MBNL2: variants seen among roughly 807,000 people sequenced by gnomAD.
The protein encoded by MBNL2 is muscleblind like splicing regulator 2, also known as muscleblind-like protein 2.
Under a neutral mutation model 41.9 loss-of-function variants are expected in MBNL2, and 17 were observed. That is an observed-to-expected ratio of 0.41 (90% CI 0.28 to 0.61). The LOEUF (loss-of-function observed/expected upper bound fraction) is 0.61, where lower values mean the gene tolerates loss of function less well. Ranked by LOEUF, MBNL2 falls within the 20% of genes least tolerant of loss-of-function variation. MBNL2 has a pLI of 0.35. For synonymous variants in MBNL2, 195 were observed against 182.9 expected (o/e 1.07, Z -0.53); for missense variants, 336 against 505.6 (o/e 0.66, Z 3.22).
chr13:97,262,605 T>C (rs2048852712), intron 1 of MBNL2, among the ~76,000 whole-genome samples: 1 of 152,186 alleles, frequency 6.6e-6, no homozygotes, highest in African/African-American at 2.4e-5. Flanking sequence ...TGCCATTCCA[T>C]GGTTTTAGCA....
intron 2 of MBNL2, among the ~76,000 whole-genome samples, chr13:97,333,361 T>C (rs1417922301): frequency 1.3e-5 from 2 of 152,224 alleles, no homozygotes; most frequent in African/African-American, 4.8e-5. Context: ...TGGTTTTATG[T>C]ACCCTGTCAC....
intron 8 of MBNL2, among the ~76,000 whole-genome samples, chr13:97,371,087 A>G (rs2064328627): frequency 6.6e-6 from 1 of 152,218 alleles, no homozygotes; most frequent in Non-Finnish European, 1.5e-5. Context: ...TAATAAAATG[A>G]GAGTGCAGAG....
At chr13:97,330,744 C>T (rs1371719116) in intron 2 of MBNL2, among the ~76,000 whole-genome samples, 2 of 152,280 alleles carry the variant, frequency 1.3e-5, no homozygotes, top group South Asian at 4.1e-4. Context: ...TATGCCTTAA[C>T]AAAAACTTCC....
At chr13:97,245,058 T>C (rs2045179288) in intron 1 of MBNL2, among the ~76,000 whole-genome samples, 1 of 152,178 alleles carries the variant, frequency 6.6e-6, no homozygotes. Context: ...TCTAAATAAA[T>C]AGTAATAAAA....
the MBNL2 span, among the ~76,000 whole-genome samples, chr13:97,169,734 G>A: frequency 2.0e-5 from 3 of 152,152 alleles, no homozygotes; most frequent in Non-Finnish European, 4.4e-5. Flanking sequence ...TTCCATTTAT[G>A]ACTGTGCCAA....
the MBNL2 span, among the ~76,000 whole-genome samples, chr13:97,178,854 A>G: frequency 0.095 from 14,521 of 152,178 alleles, 762 homozygotes; most frequent in South Asian, 0.17. Flanking sequence ...CCATGATTAC[A>G]CCACTGCACT....
At chr13:97,198,154 A>G in the MBNL2 span, among the ~76,000 whole-genome samples, 1 of 152,166 alleles carries the variant, frequency 6.6e-6, no homozygotes, top group South Asian at 2.1e-4. Context: ...AGTAAAGCAG[A>G]TTCCTCATTG....
chr13:97,363,305 T>C (rs2063567081), intron 7 of MBNL2, among the ~76,000 whole-genome samples: 2 of 151,972 alleles, frequency 1.3e-5, no homozygotes, highest in South Asian at 2.1e-4. Flanking sequence ...ACAGGAAATG[T>C]AGCGTAGATG....
At chr13:97,339,866 T>TGGG (rs1333514307) in intron 3 of MBNL2, among the ~76,000 whole-genome samples, 6 of 79,388 alleles carry the variant, frequency 7.6e-5, no homozygotes, top group African/African-American at 3.1e-4. Flanking sequence ...AACTGATTTG[T>TGGG]GTGTGGGCGG....
chr13:97,276,016 C>T lies in MBNL2; in HGVS notation c.-220C>T, dbSNP rs1048464159. The stretch of plus-strand genomic sequence containing the variant: ...GATGACACTGAGCATGCTTTTATTG[C>T]GGCCTACCATCTTTAAGTGGGACAT... On this transcript the variant is annotated 5_prime_UTR_variant, in exon 2 of 9. Coordinates refer to ENST00000679496, the MANE Select transcript of MBNL2 (RefSeq NM_001382683.1). 2.0e-5 allele frequency: 9 copies of T among 445,850 alleles called. No individual in the cohort carries two copies. Among genetic ancestry groups the T allele is most frequent in the East Asian group, 1.4e-4 (4 of 28,858 alleles). 27.6% of individuals were successfully genotyped at this position (445,850 alleles called of 1,614,324 possible). A position where few individuals can be genotyped will look rare whatever the true frequency, so the allele number is the denominator to read the frequency against.
upstream of MBNL2, chr13:97,222,245 AG>A: frequency 2.5e-6 from 1 of 394,948 alleles, no homozygotes; most frequent in Non-Finnish European, 4.5e-6. Context: ...TCAGACGAGT[AG>A]GGCTGACGAG....
chr13:97,375,091 G>A (rs1162561517), intron 8 of MBNL2, among the ~76,000 whole-genome samples: 2 of 152,166 alleles, frequency 1.3e-5, no homozygotes, highest in Non-Finnish European at 2.9e-5. Context: ...TGTGCAGGTG[G>A]ATGTGGAGGA....
chr13:97,368,232 A>C (rs1421541066), intron 8 of MBNL2, among the ~76,000 whole-genome samples: 3 of 152,100 alleles, frequency 2.0e-5, no homozygotes, highest in Non-Finnish European at 4.4e-5. Context: ...CAACATGGTA[A>C]AATCTGGTCT....
the MBNL2 span, among the ~76,000 whole-genome samples, chr13:97,146,575 G>A: frequency 2.6e-5 from 4 of 152,300 alleles, no homozygotes; most frequent in African/African-American, 9.6e-5. Flanking sequence ...TGGAAGGAAG[G>A]ACCTTAATCT....
chr13:97,317,015 G>A (rs987354477), intron 2 of MBNL2, among the ~76,000 whole-genome samples: 3 of 152,206 alleles, frequency 2.0e-5, no homozygotes, highest in African/African-American at 4.8e-5. Context: ...AGGAAGTAGA[G>A]AAGGCATCTG....
At chr13:97,355,234 T>C (rs2062881435) in intron 5 of MBNL2, among the ~76,000 whole-genome samples, 1 of 152,170 alleles carries the variant, frequency 6.6e-6, no homozygotes, top group Non-Finnish European at 1.5e-5. Context: ...TTCTTCTCCA[T>C]TGGCCGTTCT....
At chr13:97,283,848 C>T (rs1296592997) in intron 2 of MBNL2, among the ~76,000 whole-genome samples, 1 of 152,164 alleles carries the variant, frequency 6.6e-6, no homozygotes, top group Non-Finnish European at 1.5e-5. Flanking sequence ...AAAAGCAGAA[C>T]CGTGACTCCC....
intron 1 of MBNL2, among the ~76,000 whole-genome samples, chr13:97,266,263 T>A (rs59726738): frequency 0.12 from 18,586 of 151,592 alleles, 1,362 homozygotes; most frequent in African/African-American, 0.2. Flanking sequence ...ATAAATAAAT[T>A]AATTAATTAA....
Position 97,251,867 on chromosome 13 carries a change from G to A in MBNL2, c.-604-23765G>A, listed in dbSNP as rs1341474260. 5.1e-5 allele frequency among the ~76,000 whole-genome samples: 6 copies of A among 116,528 alleles called. No homozygotes were observed. The East Asian group carries it at 1.2e-3, about 24-fold the overall frequency. 76.4% of individuals were successfully genotyped at this position (116,528 alleles called of 152,430 possible). A position where few individuals can be genotyped will look rare whatever the true frequency, so the allele number is the denominator to read the frequency against. ...TTTTTTTTTTTTTTTTTTTTGAGAC[G>A]GAGTCTCGCTCCGTCGCCCAGGCCG... On this transcript the variant is annotated intron_variant, in intron 1 of 8. Transcript: ENST00000679496.
Sources: gnomAD v4.1 joint callset for allele counts (sites outside exome capture counted in the v4.1 genomes callset) on GRCh38, gnomAD v4.1.1 for gene constraint, MANE v1.5 for transcripts, NCBI Gene and HGNC (gene_info 2026-07-23, HGNC 2026-07-21) for gene names.